The following ADCY8 variants were observed in gnomAD, a reference collection of about 807,000 sequenced individuals.
The protein encoded by ADCY8 is adenylate cyclase type 8.
In ADCY8, 51 loss-of-function variants were observed where a neutral mutation model predicts 119.7. The observed-to-expected ratio is 0.43, with a 90% CI of 0.34 to 0.54. The LOEUF (loss-of-function observed/expected upper bound fraction) is 0.54. ADCY8 is among the 20% of genes least tolerant of loss of function. The pLI is 0.03. For missense variants in ADCY8, 1,383 were observed against 1,598.8 expected (o/e 0.87, Z 2.30); for synonymous variants, 665 against 651.0 (o/e 1.02, Z -0.33).
At chr8:130,919,480 G>A (rs1463801410) in intron 5 of ADCY8, among the ~76,000 whole-genome samples, 2 of 152,206 alleles carry the variant, frequency 1.3e-5, no homozygotes, top group Admixed American at 1.3e-4. Flanking sequence ...CTGCAGAAGA[G>A]TGGGTGCAGA....
At chr8:130,945,096 T>A (rs1455356684) in intron 3 of ADCY8, among the ~76,000 whole-genome samples, 1 of 151,980 alleles carries the variant, frequency 6.6e-6, no homozygotes, top group African/African-American at 2.4e-5. Context: ...CATTCTAGGG[T>A]CTGGTGGAAG....
At chr8:130,822,286 T>G (rs1271989035) in intron 12 of ADCY8, among the ~76,000 whole-genome samples, 1 of 152,192 alleles carries the variant, frequency 6.6e-6, no homozygotes, top group Non-Finnish European at 1.5e-5. Flanking sequence ...GGATGGGTTC[T>G]CTAGGTACAG....
intron 15 of ADCY8, among the ~76,000 whole-genome samples, chr8:130,789,391 C>A (rs1815355809): frequency 6.6e-6 from 1 of 152,130 alleles, no homozygotes; most frequent in Non-Finnish European, 1.5e-5. Context: ...CTGTCATCGT[C>A]ACTTTATATT....
chr8:130,974,734 AT>A (rs1435382741), intron 2 of ADCY8, among the ~76,000 whole-genome samples: 3 of 152,204 alleles, frequency 2.0e-5, no homozygotes, highest in Non-Finnish European at 4.4e-5. Flanking sequence ...GCAGCTCTGG[AT>A]GTTGCTTGAG....
intron 2 of ADCY8, among the ~76,000 whole-genome samples, chr8:130,960,868 T>C (rs1194191257): frequency 6.6e-6 from 1 of 152,166 alleles, no homozygotes; most frequent in Non-Finnish European, 1.5e-5. Flanking sequence ...TATGAATCTG[T>C]ATTCTCATAG....
At chr8:130,941,936 T>C (rs75693075) in intron 4 of ADCY8, among the ~76,000 whole-genome samples, 4,081 of 152,318 alleles carry the variant, frequency 0.027, 186 homozygotes, top group African/African-American at 0.092. Flanking sequence ...TTCAAACCCA[T>C]GTCTGTCTGA....
chr8:130,783,680 C>G lies in ADCY8; in HGVS notation c.3268+11G>C. 3 of 1,602,676 alleles carry G rather than the reference C, an allele frequency of 1.9e-6. 1 individual carries two copies. In the South Asian group the frequency reaches 3.3e-5, roughly 18 times the overall value. On this transcript the variant is annotated intron_variant, in intron 17 of 17. Transcript: ENST00000286355. Reference sequence around the variant, plus strand: ...TGGCTCTATCAGGCCCCACCTGCAGCTGCTACTCACCAATCCGGAGTTCAA... The same window carrying G: ...TGGCTCTATCAGGCCCCACCTGCAGGTGCTACTCACCAATCCGGAGTTCAA...
chr8:130,990,713 A>C (rs1216639219), intron 1 of ADCY8, 171 bp from the exon 2 acceptor site: 2 of 779,722 alleles, frequency 2.6e-6, no homozygotes, highest in Non-Finnish European at 3.8e-6. Context: ...GGCAAATGTC[A>C]TCCCTTTGGA....
At position 130,836,430 on chromosome 8, in the gene ADCY8, A is replaced by T; in HGVS notation, c.2522T>A (p.Val841Glu). 6.2e-7 allele frequency: 1 copy of T among 1,613,444 alleles called. No homozygotes were observed. The highest frequency in any genetic ancestry group is 1.1e-5 in the South Asian group (1 of 91,004). Reference protein sequence around the residue: ...SYPEYFVFTGVLAMVTCAVFL... With the variant: ...SYPEYFVFTGELAMVTCAVFL... ...AACTGCACAGGTCACCATGGCCAAC[A>T]CCCCCGTGAAGACAAAGTACTGGAA... The change falls in exon 12 of 18, where the codon GTG becomes GAG. Residue 841 changes from valine (V) to glutamate (E), a missense_variant. Val to Glu is a moderately radical substitution (Grantham distance 121). Coordinates refer to ENST00000286355, the MANE Select transcript of ADCY8 (RefSeq NM_001115.3).
chr8:130,998,001 C>T (rs1230265648), intron 1 of ADCY8, among the ~76,000 whole-genome samples: 1 of 152,184 alleles, frequency 6.6e-6, no homozygotes, highest in Non-Finnish European at 1.5e-5. Context: ...GCCTTCCTAA[C>T]CCCTCACTTC....
chr8:130,980,647 C>T (rs1822212448), intron 2 of ADCY8, among the ~76,000 whole-genome samples: 1 of 152,098 alleles, frequency 6.6e-6, no homozygotes, highest in Non-Finnish European at 1.5e-5. Context: ...ACTGCAAGGG[C>T]AAATGTTTTG....
At chr8:130,932,386 C>A (rs1307010044) in intron 5 of ADCY8, among the ~76,000 whole-genome samples, 1 of 152,108 alleles carries the variant, frequency 6.6e-6, no homozygotes, top group Non-Finnish European at 1.5e-5. Context: ...CTGTGGGTAC[C>A]AGCCTGGTAT....
intron 5 of ADCY8, among the ~76,000 whole-genome samples, chr8:130,925,722 A>G (rs569453935): frequency 3.3e-5 from 5 of 152,362 alleles, no homozygotes; most frequent in African/African-American, 9.6e-5. Context: ...ATTGAAAATT[A>G]GTTTAATGTC....
chr8:130,870,169 A>G (rs956274769), intron 8 of ADCY8, among the ~76,000 whole-genome samples: 2 of 151,458 alleles, frequency 1.3e-5, no homozygotes, highest in African/African-American at 4.9e-5. Context: ...GCCCACCACC[A>G]TGCCTGGCTA....
intron 7 of ADCY8, among the ~76,000 whole-genome samples, chr8:130,899,865 A>T (rs931971529): frequency 6.6e-6 from 1 of 152,210 alleles, no homozygotes; most frequent in African/African-American, 2.4e-5. Flanking sequence ...GTCCATGTTG[A>T]TAACTCATTT....
Position 130,931,649 on chromosome 8 carries a change from C to CT in ADCY8, c.1481+5423dup, listed in dbSNP as rs1820632566. ...TTATACTTCTTTATTCTTTTTTCTT[C>CT]TTTGACTGTATATTTTCAAATAACC... On this transcript the variant is annotated intron_variant, in intron 5 of 17. Transcript: ENST00000286355. Among the ~76,000 whole-genome samples the CT allele has an allele frequency of 2.0e-5, 3 of 151,990 alleles. No individual in the cohort carries two copies. In the East Asian group the frequency reaches 5.8e-4, roughly 29 times the overall value.
intron 2 of ADCY8, among the ~76,000 whole-genome samples, chr8:130,970,148 C>A (rs1355953675): frequency 6.6e-6 from 1 of 152,132 alleles, no homozygotes; most frequent in Non-Finnish European, 1.5e-5. Flanking sequence ...GATCAGCAGT[C>A]CCCAGTTCCT....
intron 1 of ADCY8, among the ~76,000 whole-genome samples, chr8:131,019,357 T>C (rs1185005097): frequency 1.3e-5 from 2 of 152,232 alleles, no homozygotes; most frequent in Admixed American, 1.3e-4. Flanking sequence ...GAACATCAGC[T>C]ATTAAAAGAA....
At chr8:130,955,500 GCA>G (rs1257883174) in intron 2 of ADCY8, among the ~76,000 whole-genome samples, 6 of 152,046 alleles carry the variant, frequency 3.9e-5, no homozygotes, top group African/African-American at 1.5e-4. Context: ...AATTAGTGGT[GCA>G]CAATTATGTC....
Sources: gnomAD v4.1 joint callset for allele counts (sites outside exome capture counted in the v4.1 genomes callset) on GRCh38, gnomAD v4.1.1 for gene constraint, MANE v1.5 for transcripts, NCBI Gene and HGNC (gene_info 2026-07-23, HGNC 2026-07-21) for gene names.